The following B3GALT1 variants were observed in gnomAD, a reference collection of about 807,000 sequenced individuals.
B3GALT1 encodes UDP-Gal:betaGlcNAc beta 1,3-galactosyltransferase, polypeptide 1.
In B3GALT1, 10 loss-of-function variants were observed where a neutral mutation model predicts 23.2. The observed-to-expected ratio is 0.43, with a 90% CI of 0.27 to 0.73. The LOEUF (loss-of-function observed/expected upper bound fraction) is 0.73. Among genes scored for constraint, B3GALT1 ranks in the 30% least tolerant of loss-of-function variants. B3GALT1 has a pLI of 0.21. For synonymous variants in B3GALT1, 156 were observed against 141.5 expected (o/e 1.10, Z -0.73); for missense variants, 299 against 405.4 (o/e 0.74, Z 2.25).
chr2:167,517,947 AG>A (rs1280382290), intron 2 of B3GALT1, among the ~76,000 whole-genome samples: 1 of 152,116 alleles, frequency 6.6e-6, no homozygotes, highest in East Asian at 1.9e-4. Flanking sequence ...AACATTTTAT[AG>A]TATCAGTGTA....
intron 2 of B3GALT1, among the ~76,000 whole-genome samples, chr2:167,587,350 C>T (rs1167461297): frequency 2.0e-5 from 3 of 152,144 alleles, no homozygotes; most frequent in South Asian, 2.1e-4. Flanking sequence ...TTTGTAAACA[C>T]GGCTTCTTCT....
At chr2:167,368,848 A>C (rs1054458276) in intron 1 of B3GALT1, among the ~76,000 whole-genome samples, 2 of 152,088 alleles carry the variant, frequency 1.3e-5, no homozygotes, top group Non-Finnish European at 2.9e-5. Flanking sequence ...TCCCAGTGCA[A>C]AATGCAGCAG....
intron 4 of B3GALT1, among the ~76,000 whole-genome samples, chr2:167,825,687 A>T (rs1689207654): frequency 6.6e-6 from 1 of 151,946 alleles, no homozygotes; most frequent in African/African-American, 2.4e-5. Flanking sequence ...CAGAAAGCAC[A>T]CCACTCTTGA....
chr2:167,714,525 T>G lies in B3GALT1; in HGVS notation c.-352+67559T>G, dbSNP rs575171917. 6.2e-6 allele frequency: 10 copies of G among 1,612,416 alleles called. No homozygotes were observed. The East Asian group carries it at 2.2e-4, about 36-fold the overall frequency. ...GAGGGACCATATGGCGAACGCTCTC[T>G]GCCAAATGTTGTATTTGAAACATCA... On this transcript the variant is annotated intron_variant, in intron 3 of 4. Coordinates refer to ENST00000392690, the MANE Select transcript of B3GALT1 (RefSeq NM_020981.4).
At chr2:167,426,922 G>A (rs1232921437) in intron 1 of B3GALT1, among the ~76,000 whole-genome samples, 1 of 152,200 alleles carries the variant, frequency 6.6e-6, no homozygotes, top group African/African-American at 2.4e-5. Flanking sequence ...TACGTTCATT[G>A]CAACATTGTT....
intron 3 of B3GALT1, among the ~76,000 whole-genome samples, chr2:167,670,134 C>T (rs1033153046): frequency 6.6e-6 from 1 of 152,170 alleles, no homozygotes; most frequent in East Asian, 1.9e-4. Context: ...CTGATGGTGC[C>T]TATGAGCCTC....
chr2:167,807,890 T>G (rs1177921708), intron 3 of B3GALT1, among the ~76,000 whole-genome samples: 1 of 151,428 alleles, frequency 6.6e-6, no homozygotes, highest in Non-Finnish European at 1.5e-5. Context: ...CTGTCTAATG[T>G]TGACAGTGGG....
intron 3 of B3GALT1, among the ~76,000 whole-genome samples, chr2:167,757,249 G>A (rs1360812537): frequency 6.6e-6 from 1 of 152,152 alleles, no homozygotes; most frequent in Non-Finnish European, 1.5e-5. Flanking sequence ...ATAATGGGCT[G>A]TGTGTAATAG....
At chr2:167,371,814 TA>T (rs11295076) in intron 1 of B3GALT1, among the ~76,000 whole-genome samples, 121,825 of 151,802 alleles carry the variant, frequency 0.8, 50,842 homozygotes, top group East Asian at 0.92. Flanking sequence ...ATTAAGATGA[TA>T]TTTTTTGCTA....
intron 3 of B3GALT1, among the ~76,000 whole-genome samples, chr2:167,763,498 G>A (rs183733992): frequency 1.7e-4 from 26 of 152,040 alleles, no homozygotes; most frequent in Non-Finnish European, 3.1e-4. Context: ...CTTCACTAGA[G>A]CCTCCTCTAT....
At chr2:167,654,175 A>G (rs1022582060) in intron 3 of B3GALT1, among the ~76,000 whole-genome samples, 1 of 152,224 alleles carries the variant, frequency 6.6e-6, no homozygotes, top group African/African-American at 2.4e-5. Context: ...AATGGAAATA[A>G]TAAGAGCACT....
At chr2:167,334,764 CAG>C (rs1340791073) in intron 1 of B3GALT1, among the ~76,000 whole-genome samples, 11 of 152,234 alleles carry the variant, frequency 7.2e-5, no homozygotes, top group Admixed American at 2.6e-4. Context: ...GTTTTAACAA[CAG>C]AGAGTATTTT....
At chr2:167,302,829 T>G (rs771203104) in intron 1 of B3GALT1, among the ~76,000 whole-genome samples, 4 of 152,192 alleles carry the variant, frequency 2.6e-5, no homozygotes, top group Non-Finnish European at 5.9e-5. Flanking sequence ...TCATGCTTCC[T>G]TACATAAATC....
chr2:167,843,586 C>T (rs989762691), intron 4 of B3GALT1, among the ~76,000 whole-genome samples: 1 of 152,148 alleles, frequency 6.6e-6, no homozygotes, highest in East Asian at 1.9e-4. Flanking sequence ...CCTGGACAAG[C>T]TCTGAGATAA....
At chr2:167,820,592 C>T (rs1340409896) in intron 4 of B3GALT1, among the ~76,000 whole-genome samples, 1 of 152,206 alleles carries the variant, frequency 6.6e-6, no homozygotes, top group African/African-American at 2.4e-5. Context: ...GAACAGAGTG[C>T]CCCTCTCCGT....
chr2:167,866,164 T>C (rs10197637), intron 4 of B3GALT1, among the ~76,000 whole-genome samples: 2,599 of 152,318 alleles, frequency 0.017, 74 homozygotes, highest in African/African-American at 0.059. Context: ...TGCCATAGCA[T>C]CTTCCCCAGG....
At chr2:167,813,498 C>G (rs1183510756) in intron 3 of B3GALT1, among the ~76,000 whole-genome samples, 1 of 152,204 alleles carries the variant, frequency 6.6e-6, no homozygotes, top group African/African-American at 2.4e-5. Flanking sequence ...ATCAGGACAA[C>G]TTCCCCCCCA....
chr2:167,536,029 T>G (rs1683413398), intron 2 of B3GALT1, among the ~76,000 whole-genome samples: 1 of 152,060 alleles, frequency 6.6e-6, no homozygotes, highest in South Asian at 2.1e-4. Flanking sequence ...GTTCAAGCAA[T>G]TCTCGTGCCT....
At chr2:167,453,973 G>A (rs566354690) in intron 1 of B3GALT1, among the ~76,000 whole-genome samples, 1 of 152,122 alleles carries the variant, frequency 6.6e-6, no homozygotes, top group South Asian at 2.1e-4. Flanking sequence ...AGATTTTTTA[G>A]ATTAGACTCT....
Sources: gnomAD v4.1 joint callset for allele counts (sites outside exome capture counted in the v4.1 genomes callset) on GRCh38, gnomAD v4.1.1 for gene constraint, MANE v1.5 for transcripts, NCBI Gene and HGNC (gene_info 2026-07-23, HGNC 2026-07-21) for gene names.